Variants in SLC4A10 observed in about 807,000 individuals in gnomAD.
SLC4A10 encodes sodium-driven chloride bicarbonate exchanger.
Under a neutral mutation model 137.7 loss-of-function variants are expected in SLC4A10, and 42 were observed. The observed-to-expected ratio is 0.30, with a 90% CI of 0.24 to 0.39. The LOEUF (loss-of-function observed/expected upper bound fraction) is 0.39. Ranked by LOEUF, SLC4A10 falls within the 10% of genes least tolerant of loss-of-function variation. The probability of loss-of-function intolerance (pLI) is 1.00; values close to 1 mark genes in which losing one functional copy is unlikely to be tolerated. For missense variants in SLC4A10, 925 were observed against 1,355.0 expected (o/e 0.68, Z 4.98); for synonymous variants, 474 against 464.1 (o/e 1.02, Z -0.27).
At chr2:161,961,189 C>T (rs1269164408) in intron 21 of SLC4A10, among the ~76,000 whole-genome samples, 3 of 152,160 alleles carry the variant, frequency 2.0e-5, no homozygotes, top group Admixed American at 2.0e-4. Flanking sequence ...ACAGGCAGCA[C>T]GGGATCTCTG....
In SLC4A10 at chr2:161,928,135, G is replaced by A. The variant is rs1236552610; in HGVS notation, c.1998-14657G>A. On this transcript the variant is annotated intron_variant, in intron 15 of 26. Transcript: ENST00000446997. ...TTGGAACCAACCCAAATGTCCAACA[G>A]TGATAGACTGGATTAAGAAAATGTG... is the stretch of plus-strand genomic sequence containing the variant. Among the ~76,000 whole-genome samples, 526 of 149,176 alleles carry A rather than the reference G, an allele frequency of 3.5e-3. 1 individual carries two copies. The highest frequency in any genetic ancestry group is 0.031 in the Middle Eastern group (9 of 290).
intron 6 of SLC4A10, among the ~76,000 whole-genome samples, chr2:161,864,861 A>G (rs1356977944): frequency 6.6e-6 from 1 of 152,106 alleles, no homozygotes; most frequent in Admixed American, 6.5e-5. Flanking sequence ...TATGCTTATA[A>G]TGCTAGTATT....
At position 161,693,669 on chromosome 2, in the gene SLC4A10, CTTTTTTTTTT is replaced by C. The variant is rs774199734; in HGVS notation, c.48+69116_48+69125del. Among the ~76,000 whole-genome samples, 33 of 115,256 alleles carry C rather than the reference CTTTTTTTTTT, an allele frequency of 2.9e-4. 1 individual carries two copies. The highest frequency in any genetic ancestry group is 9.8e-4 in the African/African-American group (30 of 30,492). The allele number at this position is 115,256 out of a possible 152,430, so 75.6% of individuals were successfully genotyped here. A position where few individuals can be genotyped will look rare whatever the true frequency, so the allele number is the denominator to read the frequency against. The stretch of plus-strand genomic sequence containing the variant: ...CTACTCTCTGTCTCTACAAATTCGA[CTTTTTTTTTT>C]TTTTTTTTTTTTAAGATTCCACATA... On this transcript the variant is annotated intron_variant, in intron 1 of 26. Coordinates refer to ENST00000446997, the MANE Select transcript of SLC4A10 (RefSeq NM_001178015.2).
chr2:161,758,072 CTT>C (rs1379247236), intron 1 of SLC4A10, among the ~76,000 whole-genome samples: 1 of 151,600 alleles, frequency 6.6e-6, no homozygotes, highest in African/African-American at 2.4e-5. Context: ...TCTTCTATAT[CTT>C]TTGAAATTTG....
intron 1 of SLC4A10, among the ~76,000 whole-genome samples, chr2:161,679,587 A>T (rs2040623176): frequency 6.6e-6 from 1 of 151,758 alleles, no homozygotes; most frequent in Non-Finnish European, 1.5e-5. Context: ...TTTTTCCCTC[A>T]GTTTCTCATA....
intron 25 of SLC4A10, chr2:161,977,261 A>T (rs1428631694): frequency 5.8e-6 from 2 of 344,796 alleles, no homozygotes; most frequent in East Asian, 8.1e-5. Context: ...TTTTATATTT[A>T]TATTTTATAA....
At chr2:161,636,675 C>T (rs900128445) in intron 1 of SLC4A10, among the ~76,000 whole-genome samples, 4 of 151,766 alleles carry the variant, frequency 2.6e-5, no homozygotes, top group African/African-American at 7.3e-5. Flanking sequence ...GCTGGAATTA[C>T]AGCCACCACG....
chr2:161,727,842 ATAT>A (rs1210413720), intron 1 of SLC4A10, among the ~76,000 whole-genome samples: 1 of 152,194 alleles, frequency 6.6e-6, no homozygotes, highest in Non-Finnish European at 1.5e-5. Context: ...AAATTTTAAA[ATAT>A]TATGAGAACA....
intron 1 of SLC4A10, among the ~76,000 whole-genome samples, chr2:161,645,362 T>G (rs961149514): frequency 3.3e-5 from 5 of 152,048 alleles, no homozygotes; most frequent in African/African-American, 1.2e-4. Context: ...TTCTCATAAC[T>G]AATGTAGTCA....
intron 1 of SLC4A10, among the ~76,000 whole-genome samples, chr2:161,749,518 GT>G (rs1272961151): frequency 4.0e-5 from 6 of 151,802 alleles, no homozygotes; most frequent in African/African-American, 7.3e-5. Flanking sequence ...ATGATCATGT[GT>G]TTTTTTATTT....
At chr2:161,663,866 A>C (rs2038735836) in intron 1 of SLC4A10, among the ~76,000 whole-genome samples, 2 of 152,136 alleles carry the variant, frequency 1.3e-5, no homozygotes, top group South Asian at 4.1e-4. Flanking sequence ...TTTGACCAAG[A>C]ATTTTTGATG....
chr2:161,856,023 A>G (rs755998532), intron 5 of SLC4A10, among the ~76,000 whole-genome samples: 7 of 152,114 alleles, frequency 4.6e-5, no homozygotes, highest in Non-Finnish European at 1.0e-4. Flanking sequence ...AAAATAACAT[A>G]TCTACTTTAA....
intron 1 of SLC4A10, among the ~76,000 whole-genome samples, chr2:161,748,310 C>A (rs2048594665): frequency 6.6e-6 from 1 of 151,948 alleles, no homozygotes; most frequent in Non-Finnish European, 1.5e-5. Flanking sequence ...TGCTTTCTTG[C>A]CTAAGCTTTT....
At chr2:161,632,520 T>C (rs963674151) in intron 1 of SLC4A10, among the ~76,000 whole-genome samples, 4 of 151,870 alleles carry the variant, frequency 2.6e-5, no homozygotes, top group Admixed American at 1.3e-4. Context: ...ATGTACTTTG[T>C]AGTATAACTT....
intron 1 of SLC4A10, among the ~76,000 whole-genome samples, chr2:161,653,992 G>A (rs2037171311): frequency 6.6e-6 from 1 of 152,014 alleles, no homozygotes. Flanking sequence ...CTACTATTTT[G>A]CATTCTTACT....
chr2:161,874,320 A>G (rs1264313807), intron 8 of SLC4A10, among the ~76,000 whole-genome samples: 1 of 152,248 alleles, frequency 6.6e-6, no homozygotes, highest in Non-Finnish European at 1.5e-5. Flanking sequence ...ATCATTATAA[A>G]GCACATAGCT....
At chr2:161,875,882 T>C (rs1434415898) in intron 8 of SLC4A10, among the ~76,000 whole-genome samples, 1 of 152,162 alleles carries the variant, frequency 6.6e-6, no homozygotes, top group Non-Finnish European at 1.5e-5. Flanking sequence ...CAAGACACCA[T>C]TTCTTCCCAG....
At chr2:161,647,825 T>TGTCA (rs1306234318) in intron 1 of SLC4A10, among the ~76,000 whole-genome samples, 1 of 152,214 alleles carries the variant, frequency 6.6e-6, no homozygotes, top group Non-Finnish European at 1.5e-5. Flanking sequence ...GTCATCCAGA[T>TGTCA]GTCACAAAGA....
intron 3 of SLC4A10, among the ~76,000 whole-genome samples, chr2:161,813,655 T>C (rs2056769156): frequency 6.6e-6 from 1 of 152,296 alleles, no homozygotes; most frequent in East Asian, 1.9e-4. Context: ...TCTGTAGGGC[T>C]ATGCGCTAAT....
Sources: gnomAD v4.1 joint callset for allele counts (sites outside exome capture counted in the v4.1 genomes callset) on GRCh38, gnomAD v4.1.1 for gene constraint, MANE v1.5 for transcripts, NCBI Gene and HGNC (gene_info 2026-07-23, HGNC 2026-07-21) for gene names.